Variants in RAB3C observed in about 807,000 individuals in gnomAD.
RAB3C encodes the protein ras-related protein Rab-3C.
In RAB3C, 17 loss-of-function variants were observed where a neutral mutation model predicts 26.4. The observed-to-expected ratio is 0.64, with a 90% CI of 0.44 to 0.97. The LOEUF (loss-of-function observed/expected upper bound fraction) is 0.97, where lower values mean the gene tolerates loss of function less well. Ranked by LOEUF, RAB3C falls within the 50% of genes least tolerant of loss-of-function variation. The probability of loss-of-function intolerance (pLI) is 0.00; values close to 1 mark genes in which losing one functional copy is unlikely to be tolerated. For synonymous variants in RAB3C, 91 were observed against 95.9 expected (o/e 0.95, Z 0.30); for missense variants, 242 against 281.9 (o/e 0.86, Z 1.01).
intron 2 of RAB3C, among the ~76,000 whole-genome samples, chr5:58,669,955 C>T (rs983494246): frequency 1.3e-5 from 2 of 152,108 alleles, no homozygotes; most frequent in African/African-American, 2.4e-5. Flanking sequence ...CTCTCATTCC[C>T]GTTTGTTTTG....
intron 3 of RAB3C, among the ~76,000 whole-genome samples, chr5:58,757,613 T>G (rs1741703355): frequency 6.6e-6 from 1 of 152,256 alleles, no homozygotes; most frequent in Non-Finnish European, 1.5e-5. Flanking sequence ...CATCTGTCCT[T>G]CATTGGTGAT....
intron 3 of RAB3C, chr5:58,822,401 G>A (rs1185227961): frequency 1.3e-5 from 2 of 153,018 alleles, no homozygotes; most frequent in East Asian, 3.8e-4. Flanking sequence ...TAATGCAACA[G>A]ATATTAAGTG....
intron 3 of RAB3C, among the ~76,000 whole-genome samples, chr5:58,779,738 T>C (rs1002333247): frequency 3.3e-5 from 5 of 152,150 alleles, no homozygotes; most frequent in African/African-American, 1.2e-4. Context: ...AACTGAACAC[T>C]GGTAGATGGT....
chr5:58,777,100 A>C (rs1742160210), intron 3 of RAB3C, among the ~76,000 whole-genome samples: 1 of 152,166 alleles, frequency 6.6e-6, no homozygotes, highest in Non-Finnish European at 1.5e-5. Flanking sequence ...TTTGGGTCTT[A>C]GTAGTTCTAC....
intron 3 of RAB3C, among the ~76,000 whole-genome samples, chr5:58,766,300 T>C (rs1741902145): frequency 6.6e-6 from 1 of 151,960 alleles, no homozygotes; most frequent in South Asian, 2.1e-4. Context: ...GTATTTTTAG[T>C]AGAGATGGGG....
intron 2 of RAB3C, among the ~76,000 whole-genome samples, chr5:58,696,413 G>A (rs748020912): frequency 6.6e-6 from 1 of 152,086 alleles, no homozygotes; most frequent in Admixed American, 6.6e-5. Flanking sequence ...GCCAGACCTT[G>A]GTATCAGGAT....
intron 2 of RAB3C, among the ~76,000 whole-genome samples, chr5:58,635,195 G>T (rs1747264114): frequency 2.0e-5 from 3 of 152,190 alleles, no homozygotes; most frequent in Admixed American, 2.0e-4. Context: ...AAAGTTATCA[G>T]CTCTCCTCTG....
chr5:58,691,710 T>C (rs1389729050), intron 2 of RAB3C, among the ~76,000 whole-genome samples: 1 of 152,178 alleles, frequency 6.6e-6, no homozygotes, highest in Non-Finnish European at 1.5e-5. Context: ...AGACATGCAA[T>C]GAATACAAGT....
At chr5:58,821,641 C>G (rs764716853) in intron 3 of RAB3C, among the ~76,000 whole-genome samples, 2 of 152,082 alleles carry the variant, frequency 1.3e-5, no homozygotes, top group South Asian at 4.1e-4. Context: ...TTAGAAAGGT[C>G]GTATTGTTCT....
chr5:58,851,050 TACCA>T (rs1237789518), intron 4 of RAB3C, 110 bp from the exon 5 acceptor site: 1 of 999,378 alleles, frequency 1.0e-6, no homozygotes, highest in African/African-American at 1.6e-5. Context: ...ACCCCAAACC[TACCA>T]CCCACTGATG....
chr5:58,846,928 G>T (rs1318097495), intron 4 of RAB3C: 1 of 152,080 alleles, frequency 6.6e-6, no homozygotes, highest in Non-Finnish European at 1.5e-5. Context: ...AGGTGAACCT[G>T]AAGGGATTAG....
At chr5:58,660,032 T>TTA (rs1561281603) in intron 2 of RAB3C, among the ~76,000 whole-genome samples, 3,576 of 149,080 alleles carry the variant, frequency 0.024, 299 homozygotes, top group African/African-American at 0.087. Flanking sequence ...CTTGAATTCT[T>TTA]GAACTCAAGC....
At chr5:58,803,172 C>A (rs2112029428) in intron 3 of RAB3C, among the ~76,000 whole-genome samples, 1 of 152,304 alleles carries the variant, frequency 6.6e-6, no homozygotes, top group South Asian at 2.1e-4. Flanking sequence ...AGACAAATAG[C>A]AGTCTACTGT....
chr5:58,673,716 G>A (rs757634233), intron 2 of RAB3C, among the ~76,000 whole-genome samples: 4 of 152,094 alleles, frequency 2.6e-5, no homozygotes, highest in Admixed American at 6.6e-5. Flanking sequence ...CTTAAATTAC[G>A]TTTCCCAATG....
At chr5:58,636,613 T>C (rs974769767) in intron 2 of RAB3C, among the ~76,000 whole-genome samples, 6 of 152,326 alleles carry the variant, frequency 3.9e-5, no homozygotes, top group Admixed American at 6.5e-5. Context: ...TATTTTCAAT[T>C]ATGTTAATAT....
Position 58,706,106 on chromosome 5 carries a change from C to T in RAB3C, c.253-19896C>T, listed in dbSNP as rs562544406. 1.9e-3 allele frequency among the ~76,000 whole-genome samples: 292 copies of T among 152,194 alleles called. 1 individual carries two copies. Among genetic ancestry groups the T allele is most frequent in the African/African-American group, 6.7e-3 (277 of 41,520 alleles). Reference sequence around the variant, plus strand: ...CAAGTACAAACAACCACTGGGTGATCTAGGAGTTAGTGTAAAGGAGATGGC... The same window carrying T: ...CAAGTACAAACAACCACTGGGTGATTTAGGAGTTAGTGTAAAGGAGATGGC... On this transcript the variant is annotated intron_variant, in intron 2 of 4. Coordinates refer to ENST00000282878, the MANE Select transcript of RAB3C (RefSeq NM_138453.4).
intron 1 of RAB3C, 56 bp downstream of exon 1, chr5:58,583,288 C>G (rs1745944434): frequency 1.2e-6 from 2 of 1,610,982 alleles, no homozygotes; most frequent in Non-Finnish European, 1.7e-6. Flanking sequence ...TGCTTTTCCC[C>G]TTGCTCCGCG....
At chr5:58,813,731 A>G (rs1243034753) in intron 3 of RAB3C, among the ~76,000 whole-genome samples, 1 of 151,992 alleles carries the variant, frequency 6.6e-6, no homozygotes, top group Non-Finnish European at 1.5e-5. Flanking sequence ...CTGGACTTAA[A>G]GAAGGGACCA....
At chr5:58,712,359 A>G (rs1400851837) in intron 2 of RAB3C, among the ~76,000 whole-genome samples, 1 of 152,176 alleles carries the variant, frequency 6.6e-6, no homozygotes. Flanking sequence ...GTTGGTTTTC[A>G]TTAAGAAGTT....
Sources: gnomAD v4.1 joint callset for allele counts (sites outside exome capture counted in the v4.1 genomes callset) on GRCh38, gnomAD v4.1.1 for gene constraint, MANE v1.5 for transcripts, NCBI Gene and HGNC (gene_info 2026-07-23, HGNC 2026-07-21) for gene names.